TICAM2: variants seen among roughly 807,000 people sequenced by gnomAD.
TICAM2 encodes TIR domain-containing adapter molecule 2.
A neutral mutation model predicts 7.3 loss-of-function variants in TICAM2; 8 were observed. The ratio of observed to expected loss-of-function variants is 1.10; its 90% CI spans 0.65 to 1.99. The LOEUF is 1.99. TICAM2 is among the 30% of genes most tolerant of loss of function. TICAM2 has a pLI of 0.00. For missense variants in TICAM2, 304 were observed against 278.8 expected (o/e 1.09, Z -0.65); for synonymous variants, 113 against 99.6 (o/e 1.13, Z -0.80).
At chr5:115,595,164 A>C (rs1755461330) in intron 1 of TICAM2, among the ~76,000 whole-genome samples, 1 of 152,204 alleles carries the variant, frequency 6.6e-6, no homozygotes, top group African/African-American at 2.4e-5. Flanking sequence ...ATAGGTACTC[A>C]ATAAGCACAG....
intron 1 of TICAM2, among the ~76,000 whole-genome samples, chr5:115,589,158 T>A (rs1384219083): frequency 6.6e-6 from 1 of 152,230 alleles, no homozygotes; most frequent in Non-Finnish European, 1.5e-5. Context: ...TATTTCATAC[T>A]ACAAAGGCAG....
In TICAM2 at chr5:115,580,587, C is replaced by G. The variant is rs1027936750; in HGVS notation, c.670G>C (p.Glu224Gln). The G allele has an allele frequency of 6.2e-7, 1 of 1,600,302 alleles. No individual in the cohort carries two copies. Among genetic ancestry groups the G allele is most frequent in the Middle Eastern group, 1.7e-4 (1 of 5,956 alleles). ...VYKTQQTIWK[E>Q]TRNMVQRQFI... ...TGTCTTTGTACCATATTTCTTGTCT[C>G]TTTCCATATAGTTTGTTGTGTCTTA... The change falls in exon 2 of 2, where the codon GAG becomes CAG. Residue 224 changes from glutamate to glutamine, a missense_variant. Coordinates refer to ENST00000427199, the MANE Select transcript of TICAM2 (RefSeq NM_021649.7).
At chr5:115,582,198 C>T (rs1469518179) in intron 1 of TICAM2, among the ~76,000 whole-genome samples, 1 of 151,764 alleles carries the variant, frequency 6.6e-6, no homozygotes, top group Non-Finnish European at 1.5e-5. Context: ...GCTCTGTTGC[C>T]CAGGATGGAG....
chr5:115,589,565 CAAATATT>C (rs1370572239), intron 1 of TICAM2, among the ~76,000 whole-genome samples: 9 of 152,164 alleles, frequency 5.9e-5, no homozygotes. Context: ...TATCAAATAT[CAAATATT>C]ACCTATTGGC....
rs1439966753 is a variant in TICAM2 at position 115,578,892 on chromosome 5, TA to T, written c.*1656del. 1.3e-5 allele frequency: 2 copies of T among 152,536 alleles called. No individual in the cohort carries two copies. Among genetic ancestry groups the T allele is most frequent in the Non-Finnish European group, 2.9e-5 (2 of 68,034 alleles). The allele number at this position is 152,536 out of a possible 1,614,324, so 9.4% of individuals were successfully genotyped here. A position where few individuals can be genotyped will look rare whatever the true frequency, so the allele number is the denominator to read the frequency against. On this transcript the variant is annotated 3_prime_UTR_variant, in exon 2 of 2. Transcript: ENST00000427199. ...CAATGAAAACCATCTCCTCCTCTAA[TA>T]AGTACTAACAGAATAGGAGGCTTGA...
At chr5:115,588,498 G>C (rs1176850584) in intron 1 of TICAM2, among the ~76,000 whole-genome samples, 1 of 152,226 alleles carries the variant, frequency 6.6e-6, no homozygotes, top group East Asian at 1.9e-4. Flanking sequence ...AGCTATTGCT[G>C]TTATCTAGAA....
intron 1 of TICAM2, among the ~76,000 whole-genome samples, chr5:115,584,140 T>C (rs1349081058): frequency 1.3e-5 from 2 of 152,236 alleles, no homozygotes; most frequent in African/African-American, 4.8e-5. Flanking sequence ...TGTTTCTCTA[T>C]GAATATATAT....
At chr5:115,599,880 A>C (rs1554093583) in intron 1 of TICAM2, among the ~76,000 whole-genome samples, 1 of 147,648 alleles carries the variant, frequency 6.8e-6, no homozygotes, top group Non-Finnish European at 1.5e-5. Flanking sequence ...TTTTTTTGTG[A>C]TTCTGATAAG....
intron 1 of TICAM2, among the ~76,000 whole-genome samples, chr5:115,598,108 TAAA>T (rs1397604583): frequency 6.6e-6 from 1 of 152,186 alleles, no homozygotes; most frequent in African/African-American, 2.4e-5. Context: ...TTTTAGTAAA[TAAA>T]AATTCATTTT....
At chr5:115,591,577 A>G (rs1399692728) in intron 1 of TICAM2, among the ~76,000 whole-genome samples, 4 of 152,228 alleles carry the variant, frequency 2.6e-5, no homozygotes, top group Non-Finnish European at 5.9e-5. Flanking sequence ...AACTTTAAAA[A>G]AAGGCATGGC....
chr5:115,580,704 T>C lies in TICAM2; in HGVS notation c.553A>G (p.Thr185Ala), dbSNP rs1754887511. The C allele has an allele frequency of 6.3e-7, 1 of 1,597,578 alleles. No homozygotes were observed. The highest frequency in any genetic ancestry group is 8.5e-7 in the Non-Finnish European group (1 of 1,174,034). ...PLNNPLPRER[T>A]PFALQTINAL... ...TTGATGGTTTGGAGGGCAAAGGGAG[T>C]CCTTTCTCGGGGAAGGGGATTGTTC... The change falls in exon 2 of 2, where the codon ACT becomes GCT. Residue 185 changes from threonine to alanine, a missense_variant. Thr to Ala is a moderately conservative substitution (Grantham distance 58). Transcript: ENST00000427199.
chr5:115,592,997 G>T (rs1425620831), intron 1 of TICAM2, among the ~76,000 whole-genome samples: 1 of 152,144 alleles, frequency 6.6e-6, no homozygotes, highest in Non-Finnish European at 1.5e-5. Flanking sequence ...ACAAAAATTA[G>T]CTAGGTGTGG....
At chr5:115,600,085 T>C (rs1025675233) in intron 1 of TICAM2, among the ~76,000 whole-genome samples, 2 of 152,050 alleles carry the variant, frequency 1.3e-5, no homozygotes, top group East Asian at 1.9e-4. Context: ...ACAGATTTTG[T>C]TGGATGCTTG....
chr5:115,580,641 CT>C lies in TICAM2; in HGVS notation c.615del (p.Val206Ter), dbSNP rs779767088. 9 of 1,583,430 alleles carry C rather than the reference CT, an allele frequency of 5.7e-6. No individual in the cohort carries two copies. The highest frequency in any genetic ancestry group is 7.7e-6 in the Non-Finnish European group (9 of 1,169,880). ...ACAGACTCCTGAAAAATTCTTTCTA[CT>C]TGTGTAGGAAATCCACGACTTTCTT... is the stretch of plus-strand genomic sequence containing the variant. Reference protein sequence around the residue: ...LEEESRGFPTQVERIFQESVY... With the variant: ...LEEESRGFPTXVERIFQESVY... On this transcript the variant is annotated frameshift_variant, in exon 2 of 2. Transcript: ENST00000427199. LOFTEE classifies it low-confidence loss of function (END_TRUNC).
Position 115,580,446 on chromosome 5 carries a change from A to G in TICAM2, c.*103T>C. The G allele has an allele frequency of 7.4e-7, 1 of 1,359,150 alleles. No homozygotes were observed. The highest frequency in any genetic ancestry group is 9.6e-7 in the Non-Finnish European group (1 of 1,043,150). The allele number at this position is 1,359,150 out of a possible 1,614,324, so 84.2% of individuals were successfully genotyped here. ...TGCTCCATAGGTTTCTTTAAGGTGA[A>G]GACTCTCTTTTATTTAAACATTTCC... On this transcript the variant is annotated 3_prime_UTR_variant, in exon 2 of 2. Transcript: ENST00000427199.
intron 1 of TICAM2, among the ~76,000 whole-genome samples, chr5:115,589,468 T>G (rs924343846): frequency 6.6e-6 from 1 of 152,234 alleles, no homozygotes; most frequent in South Asian, 2.1e-4. Flanking sequence ...ATAACATTCT[T>G]GAGAATTGGC....
Position 115,578,552 on chromosome 5 carries a change from G to C in TICAM2, c.*1997C>G, listed in dbSNP as rs1754804256. The C allele has an allele frequency of 6.6e-6, 1 of 152,136 alleles. No individual in the cohort carries two copies. Among genetic ancestry groups the C allele is most frequent in the South Asian group, 2.1e-4 (1 of 4,832 alleles). The allele number at this position is 152,136 out of a possible 1,614,324, so 9.4% of individuals were successfully genotyped here. A position where few individuals can be genotyped will look rare whatever the true frequency, so the allele number is the denominator to read the frequency against. On this transcript the variant is annotated 3_prime_UTR_variant, in exon 2 of 2. Transcript: ENST00000427199. ...GGAACTCCAAATTGGGTGAGACATT[G>C]TGTCTGGTGCTCTATGAAGTACAAA...
At chr5:115,589,345 A>G (rs550510183) in intron 1 of TICAM2, among the ~76,000 whole-genome samples, 1 of 152,332 alleles carries the variant, frequency 6.6e-6, no homozygotes, top group Admixed American at 6.5e-5. Flanking sequence ...AAACACATAG[A>G]CTATTCTTAG....
intron 1 of TICAM2, among the ~76,000 whole-genome samples, chr5:115,590,154 C>A (rs1185190159): frequency 6.6e-6 from 1 of 151,912 alleles, no homozygotes; most frequent in African/African-American, 2.4e-5. Flanking sequence ...TTGAGACCAG[C>A]CTGGGCAACA....
Sources: allele counts gnomAD v4.1 joint callset (sites outside exome capture counted in the v4.1 genomes callset), GRCh38; gene constraint gnomAD v4.1.1; transcripts MANE v1.5; gene names NCBI Gene and HGNC (gene_info 2026-07-23, HGNC 2026-07-21).